Variants in CCSER1 observed in about 807,000 individuals in gnomAD.
CCSER1 encodes the protein serine-rich coiled-coil domain-containing protein 1.
A neutral mutation model predicts 82.0 loss-of-function variants in CCSER1; 41 were observed. The observed-to-expected ratio is 0.50, with a 90% CI of 0.39 to 0.65. The LOEUF (loss-of-function observed/expected upper bound fraction) is 0.65, where lower values mean the gene tolerates loss of function less well. CCSER1 is among the 30% of genes least tolerant of loss of function. CCSER1 has a pLI of 0.00. For missense variants in CCSER1, 1,119 were observed against 1,064.2 expected (o/e 1.05, Z -0.72); for synonymous variants, 414 against 383.9 (o/e 1.08, Z -0.92).
chr4:90,533,143 G>C (rs2153631539), intron 5 of CCSER1, among the ~76,000 whole-genome samples: 1 of 139,120 alleles, frequency 7.2e-6, no homozygotes, highest in African/African-American at 2.7e-5. Context: ...CCAGACTGGA[G>C]TGCAGCAGCG....
At chr4:90,301,584 T>C (rs540887615) in intron 1 of CCSER1, among the ~76,000 whole-genome samples, 1 of 152,108 alleles carries the variant, frequency 6.6e-6, no homozygotes, top group Non-Finnish European at 1.5e-5. Flanking sequence ...TAAAAAACAC[T>C]TCTCTTATGT....
At chr4:90,399,809 T>C (rs191050758) in intron 3 of CCSER1, among the ~76,000 whole-genome samples, 3 of 151,970 alleles carry the variant, frequency 2.0e-5, no homozygotes, top group Non-Finnish European at 4.4e-5. Context: ...AGAAAAAAAA[T>C]GAATGTGCAG....
intron 5 of CCSER1, among the ~76,000 whole-genome samples, chr4:90,487,883 G>A (rs145645252): frequency 2.0e-3 from 309 of 152,072 alleles, no homozygotes; most frequent in African/African-American, 7.4e-3. Context: ...CTAGTGATCT[G>A]CCCACCTTGG....
At chr4:90,909,780 C>T (rs1259892167) in intron 8 of CCSER1, among the ~76,000 whole-genome samples, 2 of 152,020 alleles carry the variant, frequency 1.3e-5, no homozygotes, top group Non-Finnish European at 2.9e-5. Context: ...CTAAAGAAAT[C>T]AAATATATAT....
chr4:90,529,953 T>A (rs181767585), intron 5 of CCSER1, among the ~76,000 whole-genome samples: 3,319 of 89,958 alleles, frequency 0.037, 43 homozygotes, highest in African/African-American at 0.068. Context: ...ATATATATAT[T>A]TTTTTTTTCT....
chr4:90,798,138 G>A lies in CCSER1; in HGVS notation c.2011-17624G>A, dbSNP rs141743097. ...AGAGTTGTAAGTTTGGTCTCTTTAC[G>A]TAATGCCGTATTTCTCAGAGGTTTT... On this transcript the variant is annotated intron_variant, in intron 7 of 10. Transcript: ENST00000509176. Among the ~76,000 whole-genome samples the A allele has an allele frequency of 6.8e-4, 103 of 151,310 alleles. 1 individual carries two copies. In the East Asian group the frequency reaches 0.018, roughly 26 times the overall value.
intron 10 of CCSER1, among the ~76,000 whole-genome samples, chr4:91,328,702 T>C (rs558988946): frequency 1.3e-5 from 2 of 152,158 alleles, no homozygotes; most frequent in Non-Finnish European, 2.9e-5. Flanking sequence ...ATAAAACACT[T>C]TTGGCACCTG....
chr4:90,962,723 C>T (rs966193557), intron 9 of CCSER1, among the ~76,000 whole-genome samples: 1 of 152,130 alleles, frequency 6.6e-6, no homozygotes, highest in South Asian at 2.1e-4. Flanking sequence ...TGGCAAAAGA[C>T]AAGCCATGTC....
At chr4:90,402,355 A>T (rs1224335991) in intron 4 of CCSER1, among the ~76,000 whole-genome samples, 1 of 152,216 alleles carries the variant, frequency 6.6e-6, no homozygotes, top group Non-Finnish European at 1.5e-5. Flanking sequence ...GTTACTGCAG[A>T]ATTATAGTTA....
intron 4 of CCSER1, among the ~76,000 whole-genome samples, chr4:90,421,905 A>G (rs955569908): frequency 6.6e-6 from 1 of 152,118 alleles, no homozygotes; most frequent in Non-Finnish European, 1.5e-5. Flanking sequence ...AAAAGACAAT[A>G]AAATAGGAAA....
chr4:90,978,076 C>T (rs1735773378), intron 9 of CCSER1, among the ~76,000 whole-genome samples: 1 of 151,488 alleles, frequency 6.6e-6, no homozygotes, highest in Non-Finnish European at 1.5e-5. Flanking sequence ...GATCTACAGT[C>T]TAGATTCAAA....
chr4:90,764,674 T>A (rs548950904), intron 7 of CCSER1, among the ~76,000 whole-genome samples: 1 of 152,248 alleles, frequency 6.6e-6, no homozygotes, highest in Non-Finnish European at 1.5e-5. Flanking sequence ...CTTTTGCAAC[T>A]CAGGCAATTA....
At chr4:90,471,924 C>G (rs1305864039) in intron 5 of CCSER1, among the ~76,000 whole-genome samples, 1 of 151,740 alleles carries the variant, frequency 6.6e-6, no homozygotes, top group African/African-American at 2.4e-5. Flanking sequence ...TTGCAGTGAG[C>G]TAAGATTGTG....
chr4:91,312,646 C>G (rs72879028), intron 10 of CCSER1, among the ~76,000 whole-genome samples: 3,716 of 151,978 alleles, frequency 0.024, 145 homozygotes, highest in African/African-American at 0.085. Context: ...TCCATACTCA[C>G]TAAAAGAGTT....
intron 10 of CCSER1, among the ~76,000 whole-genome samples, chr4:91,562,194 A>G (rs546788255): frequency 1.3e-5 from 2 of 151,616 alleles, no homozygotes; most frequent in Non-Finnish European, 3.0e-5. Flanking sequence ...CTATTATAAC[A>G]TTTTAAGATA....
At chr4:90,918,978 C>T (rs760416747) in intron 8 of CCSER1, among the ~76,000 whole-genome samples, 4 of 150,632 alleles carry the variant, frequency 2.7e-5, no homozygotes, top group Non-Finnish European at 4.4e-5. Context: ...TCCAAACTTA[C>T]GCTCCAAAAT....
At chr4:90,519,600 C>T (rs1474146757) in intron 5 of CCSER1, among the ~76,000 whole-genome samples, 1 of 151,688 alleles carries the variant, frequency 6.6e-6, no homozygotes, top group African/African-American at 2.4e-5. Flanking sequence ...TTTTTTATTT[C>T]TAAAACAGAG....
chr4:90,545,502 G>T (rs1257735610), intron 5 of CCSER1, among the ~76,000 whole-genome samples: 1 of 151,964 alleles, frequency 6.6e-6, no homozygotes, highest in Non-Finnish European at 1.5e-5. Flanking sequence ...TCTCCTCTCT[G>T]CCTCGAAACC....
chr4:90,882,914 A>G (rs1038876438), intron 8 of CCSER1, among the ~76,000 whole-genome samples: 5 of 152,120 alleles, frequency 3.3e-5, no homozygotes, highest in Non-Finnish European at 7.4e-5. Flanking sequence ...CTTCATGTTT[A>G]GAACAATATT....
Sources: allele counts gnomAD v4.1 joint callset (sites outside exome capture counted in the v4.1 genomes callset), GRCh38; gene constraint gnomAD v4.1.1; transcripts MANE v1.5; gene names NCBI Gene and HGNC (gene_info 2026-07-23, HGNC 2026-07-21).